The following RRM1 variants were observed in gnomAD, a reference collection of about 807,000 sequenced individuals.
RRM1 encodes the protein ribonucleoside-diphosphate reductase large subunit.
In RRM1, 19 loss-of-function variants were observed where a neutral mutation model predicts 101.5. The observed-to-expected ratio is 0.19, with a 90% CI of 0.13 to 0.27. RRM1 has a LOEUF of 0.27. Among genes scored for constraint, RRM1 ranks in the 10% least tolerant of loss-of-function variants. RRM1 has a pLI of 1.00. For synonymous variants in RRM1, 298 were observed against 323.4 expected, an observed-to-expected ratio of 0.92 and a Z score of 0.84; for missense variants, 500 against 962.9, an observed-to-expected ratio of 0.52 and a Z score of 6.36.
In RRM1 at chr11:4,123,369, C is replaced by T. The variant is rs2094584672; in HGVS notation, c.1305C>T (p.Tyr435=). 6.2e-7 allele frequency: 1 copy of T among 1,613,908 alleles called. No homozygotes were observed. ...CSNLCTEIVE[Y]TSKDEVAVCN... ...ACCTGTGCACAGAAATAGTGGAGTA[C>T]ACCAGCAAAGATGAGGTAGGTAGAA... The change falls in exon 12 of 19, where the codon TAC becomes TAT. Residue 435 remains tyrosine (Y), a synonymous_variant. Transcript: ENST00000300738.
intron 14 of RRM1, 31 bp downstream of exon 14, chr11:4,127,287 G>C: frequency 7.0e-7 from 1 of 1,435,366 alleles, no homozygotes; most frequent in Non-Finnish European, 9.4e-7. Context: ...GTTTTTGCCT[G>C]TGAGTACCTG....
intron 15 of RRM1, among the ~76,000 whole-genome samples, chr11:4,130,334 A>G (rs11031065): frequency 0.065 from 9,809 of 151,796 alleles, 397 homozygotes; most frequent in African/African-American, 0.12. Flanking sequence ...GTATTTTTCT[A>G]GATCTTTTTC....
chr11:4,122,452 C>T (rs2094583159), intron 11 of RRM1, among the ~76,000 whole-genome samples: 1 of 152,056 alleles, frequency 6.6e-6, no homozygotes, highest in Non-Finnish European at 1.5e-5. Flanking sequence ...TTTAATTGAT[C>T]CTTTTAAAAT....
At chr11:4,109,530 C>G in intron 4 of RRM1, 114 bp from the exon 5 acceptor site, 1 of 659,554 alleles carries the variant, frequency 1.5e-6, no homozygotes, top group Non-Finnish European at 2.5e-6. Flanking sequence ...TTAGTGTTAT[C>G]TCATTGTATC....
At chr11:4,094,697 G>A (rs2094540240), upstream of RRM1, 1 of 505,418 alleles carries the variant, frequency 2.0e-6, no homozygotes. Context: ...TCTGGGTCTT[G>A]CCCAGACTCA....
intron 18 of RRM1, among the ~76,000 whole-genome samples, chr11:4,136,409 G>A (rs1381730420): frequency 6.6e-6 from 1 of 151,924 alleles, no homozygotes; most frequent in Non-Finnish European, 1.5e-5. Context: ...TATTAGAGAT[G>A]GGGTTTTGCC....
In RRM1 at chr11:4,125,577, C is replaced by T. The variant is rs932382617; in HGVS notation, c.1321-1107C>T. Among the ~76,000 whole-genome samples the T allele has an allele frequency of 3.9e-5, 6 of 152,180 alleles. No homozygotes were observed. In the South Asian group the frequency reaches 8.3e-4, roughly 21 times the overall value. On this transcript the variant is annotated intron_variant, in intron 12 of 18. Transcript: ENST00000300738. ...ATTAATTTTCTTGCTTTTTCTCAAA[C>T]ATGTCAACCATGCTCCTACCTCAGG...
intron 1 of RRM1, among the ~76,000 whole-genome samples, chr11:4,095,593 G>A (rs975973195): frequency 1.3e-5 from 2 of 152,100 alleles, no homozygotes; most frequent in African/African-American, 4.8e-5. Flanking sequence ...AGTGTGGCGT[G>A]GAAAAAACAG....
chr11:4,109,633 A>G lies in RRM1; in HGVS notation c.388-11A>G. 2 of 1,595,616 alleles carry G rather than the reference A, an allele frequency of 1.3e-6. No homozygotes were observed. The highest frequency in any genetic ancestry group is 1.7e-6 in the Non-Finnish European group (2 of 1,171,754). ...TTAATTTAATTATGGGTTCTTTTTC[A>G]CCCCTATCAGCGCCTGAATTCTGCT... On this transcript the variant is annotated splice_polypyrimidine_tract_variant and intron_variant, in intron 4 of 18. Coordinates refer to ENST00000300738, the MANE Select transcript of RRM1 (RefSeq NM_001033.5).
At chr11:4,123,407 A>G (rs375722196) in intron 12 of RRM1, 23 bp downstream of exon 12, 116 of 1,580,228 alleles carry the variant, frequency 7.3e-5, no homozygotes, top group Admixed American at 1.0e-4. Context: ...AATTCTTCCT[A>G]GAGTACTAAG....
At chr11:4,135,766 T>A (rs1180809763) in intron 18 of RRM1, among the ~76,000 whole-genome samples, 1 of 152,094 alleles carries the variant, frequency 6.6e-6, no homozygotes, top group Non-Finnish European at 1.5e-5. Context: ...TAGCTAGTCG[T>A]TGCCAGCTGT....
intron 9 of RRM1, among the ~76,000 whole-genome samples, chr11:4,120,281 C>A (rs867663160): frequency 6.6e-6 from 1 of 152,154 alleles, no homozygotes; most frequent in Non-Finnish European, 1.5e-5. Context: ...AGCTTTCTTA[C>A]ATGATAGTTC....
chr11:4,111,734 CT>C, intron 6 of RRM1, 94 bp downstream of exon 6: 4 of 1,269,644 alleles, frequency 3.2e-6, no homozygotes, highest in Non-Finnish European at 4.4e-6. Context: ...TGCTTAGACT[CT>C]AGATAACATT....
At chr11:4,103,816 A>G (rs1201307172) in intron 2 of RRM1, among the ~76,000 whole-genome samples, 1 of 130,556 alleles carries the variant, frequency 7.7e-6, no homozygotes, top group Admixed American at 8.2e-5. Context: ...TTTAGTAGAG[A>G]CAGGGTTTTG....
chr11:4,133,663 A>T lies in RRM1; in HGVS notation c.2001+5A>T, dbSNP rs772314862. On this transcript the variant is annotated splice_donor_5th_base_variant and intron_variant, in intron 17 of 18. Coordinates refer to ENST00000300738, the MANE Select transcript of RRM1 (RefSeq NM_001033.5). ...GCATGCAATGGCTCTATTCAGGTAT[A>T]GAATGAAAATGAAGTGTGCTCTGCA... The T allele has an allele frequency of 2.5e-6, 4 of 1,576,408 alleles. No homozygotes were observed. In the Admixed American group the frequency reaches 6.7e-5, roughly 27 times the overall value.
intron 15 of RRM1, among the ~76,000 whole-genome samples, chr11:4,129,854 A>G (rs2133318790): frequency 6.6e-6 from 1 of 151,974 alleles, no homozygotes; most frequent in East Asian, 1.9e-4. Context: ...TTGTTAAATT[A>G]AAATTGTTTT....
At chr11:4,119,769 G>A (rs892458757) in intron 8 of RRM1, 76 bp from the exon 9 acceptor site, 1 of 846,620 alleles carries the variant, frequency 1.2e-6, no homozygotes, top group African/African-American at 1.7e-5. Flanking sequence ...CATCTTTTTT[G>A]ATAAAAGAAT....
At chr11:4,106,659 A>G (rs1403464707) in intron 3 of RRM1, among the ~76,000 whole-genome samples, 2 of 151,918 alleles carry the variant, frequency 1.3e-5, no homozygotes, top group Non-Finnish European at 2.9e-5. Flanking sequence ...GAGGCAGGAG[A>G]ATTGCTTGAA....
At chr11:4,116,928 C>T (rs1022581841) in intron 7 of RRM1, among the ~76,000 whole-genome samples, 3 of 151,038 alleles carry the variant, frequency 2.0e-5, no homozygotes, top group Admixed American at 6.6e-5. Flanking sequence ...GATCATGCCA[C>T]TGCACTCCAG....
Sources: gnomAD v4.1 joint callset for allele counts (sites outside exome capture counted in the v4.1 genomes callset) on GRCh38, gnomAD v4.1.1 for gene constraint, MANE v1.5 for transcripts, NCBI Gene and HGNC (gene_info 2026-07-23, HGNC 2026-07-21) for gene names.